Variants in PLCXD3 observed in about 807,000 individuals in gnomAD.
PLCXD3 encodes the protein phosphatidylinositol specific phospholipase C X domain containing 3, also known as PI-PLC X domain-containing protein 3.
Under a neutral mutation model 25.5 loss-of-function variants are expected in PLCXD3, and 19 were observed. That is an observed-to-expected ratio of 0.75 (90% confidence interval 0.52 to 1.09). The LOEUF (loss-of-function observed/expected upper bound fraction) is 1.09. PLCXD3 is among the 50% of genes least tolerant of loss of function. The pLI, the probability that PLCXD3 is intolerant of heterozygous loss-of-function variation, is 0.00. For synonymous variants in PLCXD3, 174 were observed against 137.6 expected (o/e 1.26, Z -1.85); for missense variants, 411 against 388.1 (o/e 1.06, Z -0.50).
intron 1 of PLCXD3, 93 bp downstream of exon 1, chr5:41,510,331 A>G (rs913020122): frequency 1.8e-6 from 2 of 1,115,514 alleles, no homozygotes; most frequent in African/African-American, 3.2e-5. Flanking sequence ...TCCCGCGGGC[A>G]TCGTGGCAAG....
chr5:41,424,183 A>G (rs1203253358), intron 1 of PLCXD3, among the ~76,000 whole-genome samples: 1 of 151,970 alleles, frequency 6.6e-6, no homozygotes, highest in African/African-American at 2.4e-5. Flanking sequence ...TTATTTTTCT[A>G]ACTTTTGGGT....
In PLCXD3 at chr5:41,381,692, AT is replaced by A. The variant is rs1402336983; in HGVS notation, c.812+133del. ...TATTTTTATTCTTTTAAGAAACCCAATTAGTGGTACTTTGCTATTGCAGCCC... is the reference window on the plus strand; with the variant it reads ...TATTTTTATTCTTTTAAGAAACCCAATAGTGGTACTTTGCTATTGCAGCCC... On this transcript the variant is annotated intron_variant, in intron 2 of 2. Coordinates refer to ENST00000377801, the MANE Select transcript of PLCXD3 (RefSeq NM_001005473.3). 4 of 725,900 alleles carry A rather than the reference AT, an allele frequency of 5.5e-6. No individual in the cohort carries two copies. In the East Asian group the frequency reaches 1.1e-4, roughly 20 times the overall value. 45.0% of individuals were successfully genotyped at this position (725,900 alleles called of 1,614,324 possible).
At chr5:41,426,512 TTATCCTTCA>T (rs1336643072) in intron 1 of PLCXD3, among the ~76,000 whole-genome samples, 2 of 152,046 alleles carry the variant, frequency 1.3e-5, no homozygotes, top group Non-Finnish European at 2.9e-5. Context: ...TTTTTAGTCT[TTATCCTTCA>T]TATGTTAACA....
intron 2 of PLCXD3, among the ~76,000 whole-genome samples, chr5:41,356,262 G>T (rs1744615138): frequency 6.6e-6 from 1 of 152,124 alleles, no homozygotes; most frequent in Admixed American, 6.5e-5. Context: ...GCGAAACTCT[G>T]TCTCAAAAAC....
chr5:41,326,915 G>A (rs537381076), intron 2 of PLCXD3, among the ~76,000 whole-genome samples: 28 of 152,220 alleles, frequency 1.8e-4, no homozygotes, highest in Middle Eastern at 6.8e-3. Context: ...GGCTCAGGTG[G>A]CTCAAAGTTT....
chr5:41,441,538 A>G (rs959477233), intron 1 of PLCXD3, among the ~76,000 whole-genome samples: 7 of 152,162 alleles, frequency 4.6e-5, no homozygotes, highest in African/African-American at 1.7e-4. Context: ...TCCCTCCAGG[A>G]GGGAGTACAA....
At chr5:41,437,095 T>C (rs1447901992) in intron 1 of PLCXD3, among the ~76,000 whole-genome samples, 4 of 152,234 alleles carry the variant, frequency 2.6e-5, no homozygotes, top group African/African-American at 9.6e-5. Flanking sequence ...GACTCTGTAC[T>C]TATTTCCTCT....
chr5:41,488,876 G>C (rs1199692666), intron 1 of PLCXD3, among the ~76,000 whole-genome samples: 1 of 150,432 alleles, frequency 6.6e-6, no homozygotes, highest in East Asian at 1.9e-4. Flanking sequence ...CCATTTTGTA[G>C]GTTGCCTGTT....
In PLCXD3 at chr5:41,382,518, G is replaced by C; in HGVS notation, c.120C>G (p.Phe40Leu). The change falls in exon 2 of 3, where the codon TTC becomes TTG. Residue 40 changes from phenylalanine (F) to leucine (L), a missense_variant. By Grantham distance (22) the Phe-to-Leu change is conservative. Transcript: ENST00000377801. ...GAGAGGCTTCATCAATGTAGAAGCT[G>C]AAGGAATCATGAGACCCTAGGAGAA... ...NLAIPGSHDS[F>L]SFYIDEASPV... The C allele has an allele frequency of 6.3e-7, 1 of 1,598,036 alleles. No individual in the cohort carries two copies. The highest frequency in any genetic ancestry group is 8.5e-7 in the Non-Finnish European group (1 of 1,175,978).
chr5:41,464,474 C>G (rs1175493777), intron 1 of PLCXD3, among the ~76,000 whole-genome samples: 2 of 151,978 alleles, frequency 1.3e-5, no homozygotes, highest in Non-Finnish European at 2.9e-5. Flanking sequence ...GGAGAAATAC[C>G]TAATGTAGAT....
At position 41,403,398 on chromosome 5, in the gene PLCXD3, G is replaced by GTTTTTTTTTTTTTTGTTTGTTT. The variant is rs764950342; in HGVS notation, c.104-20865_104-20864insAAACAAACAAAAAAAAAAAAAA. ...GCCATTTACCCAGATTGACTTATTT[G>GTTTTTTTTTTTTTTGTTTGTTT]TTGTTTTTTTTTTTTTTTATTATAC... On this transcript the variant is annotated intron_variant, in intron 1 of 2. Transcript: ENST00000377801. Among the ~76,000 whole-genome samples, 2 of 33,990 alleles carry GTTTTTTTTTTTTTTGTTTGTTT rather than the reference G, an allele frequency of 5.9e-5. 1 individual carries two copies. The allele number at this position is 33,990 out of a possible 152,430, so 22.3% of individuals were successfully genotyped here. A position where few individuals can be genotyped will look rare whatever the true frequency, so the allele number is the denominator to read the frequency against.
chr5:41,494,720 A>G (rs1325483249), intron 1 of PLCXD3, among the ~76,000 whole-genome samples: 1 of 152,216 alleles, frequency 6.6e-6, no homozygotes, highest in East Asian at 1.9e-4. Context: ...GGTCTGGGCT[A>G]ATGATTTAAA....
chr5:41,470,356 A>G (rs1748124423), intron 1 of PLCXD3, among the ~76,000 whole-genome samples: 1 of 151,294 alleles, frequency 6.6e-6, no homozygotes, highest in Non-Finnish European at 1.5e-5. Flanking sequence ...GAAAAGAAAG[A>G]CAATCATTTC....
chr5:41,461,432 TCA>T (rs1484614354), intron 1 of PLCXD3, among the ~76,000 whole-genome samples: 1 of 151,946 alleles, frequency 6.6e-6, no homozygotes, highest in Non-Finnish European at 1.5e-5. Context: ...CTCCACTGAG[TCA>T]CTGCAATCTG....
chr5:41,348,498 T>G (rs959918579), intron 2 of PLCXD3, among the ~76,000 whole-genome samples: 2 of 152,206 alleles, frequency 1.3e-5, no homozygotes, highest in Non-Finnish European at 2.9e-5. Context: ...CTAGCTTAAC[T>G]AGTTAATTAA....
At chr5:41,337,934 A>G (rs1744030932) in intron 2 of PLCXD3, among the ~76,000 whole-genome samples, 1 of 152,146 alleles carries the variant, frequency 6.6e-6, no homozygotes, top group Non-Finnish European at 1.5e-5. Flanking sequence ...TTGGGAAATC[A>G]TATTACCTGA....
chr5:41,352,439 G>A (rs2150481426), intron 2 of PLCXD3, among the ~76,000 whole-genome samples: 2 of 152,258 alleles, frequency 1.3e-5, no homozygotes, highest in Non-Finnish European at 2.9e-5. Context: ...GGGTTCATGA[G>A]GGCAGGGACA....
At chr5:41,313,883 A>C in intron 2 of PLCXD3, 113 bp from the exon 3 acceptor site, 1 of 1,287,970 alleles carries the variant, frequency 7.8e-7, no homozygotes, top group African/African-American at 1.5e-5. Context: ...TGTTTCACGT[A>C]TAGGTACAGG....
chr5:41,346,757 G>A lies in PLCXD3; in HGVS notation c.813-32987C>T, dbSNP rs117131484. Among the ~76,000 whole-genome samples, 16 of 152,252 alleles carry A rather than the reference G, an allele frequency of 1.1e-4. No homozygotes were observed. In the East Asian group the frequency reaches 2.3e-3, roughly 22 times the overall value. ...TATGGTTGAACTTACATGCTATGCC[G>A]TCTTTTCAGAATGTCTTTTTCACTT... is the stretch of plus-strand genomic sequence containing the variant. On this transcript the variant is annotated intron_variant, in intron 2 of 2. Coordinates refer to ENST00000377801, the MANE Select transcript of PLCXD3 (RefSeq NM_001005473.3).
Sources: allele counts gnomAD v4.1 joint callset (sites outside exome capture counted in the v4.1 genomes callset), GRCh38; gene constraint gnomAD v4.1.1; transcripts MANE v1.5; gene names NCBI Gene and HGNC (gene_info 2026-07-23, HGNC 2026-07-21).